The following NALF1 variants were observed in gnomAD, a reference collection of about 807,000 sequenced individuals.
NALF1 encodes NALCN channel auxiliary factor 1, also known as family with sequence similarity 155 member A.
Under a neutral mutation model 48.4 loss-of-function variants are expected in NALF1, and 3 were observed. The ratio of observed to expected loss-of-function variants is 0.06; its 90% CI spans 0.03 to 0.16. The LOEUF (loss-of-function observed/expected upper bound fraction) is 0.16, where lower values mean the gene tolerates loss of function less well. Among genes scored for constraint, NALF1 ranks in the 10% least tolerant of loss-of-function variants. NALF1 has a pLI of 1.00. For missense variants in NALF1, 526 were observed against 571.5 expected (o/e 0.92, Z 0.81); for synonymous variants, 262 against 245.7 (o/e 1.07, Z -0.62).
intron 1 of NALF1, among the ~76,000 whole-genome samples, chr13:107,430,699 T>C (rs1159497828): frequency 6.6e-6 from 1 of 152,232 alleles, no homozygotes; most frequent in East Asian, 1.9e-4. Context: ...CAGTCTATCA[T>C]TGTTGGACAT....
chr13:107,319,889 C>A (rs1201983282), intron 1 of NALF1, among the ~76,000 whole-genome samples: 1 of 152,048 alleles, frequency 6.6e-6, no homozygotes, highest in East Asian at 1.9e-4. Context: ...GTGAAAAGAG[C>A]CACCACTAAT....
intron 1 of NALF1, among the ~76,000 whole-genome samples, chr13:107,860,625 C>A (rs781751232): frequency 6.6e-6 from 1 of 152,138 alleles, no homozygotes; most frequent in Non-Finnish European, 1.5e-5. Flanking sequence ...AATATATTTG[C>A]AATGTAGATC....
At chr13:107,676,593 ATTAAT>A (rs930611263) in intron 1 of NALF1, among the ~76,000 whole-genome samples, 9 of 106,558 alleles carry the variant, frequency 8.4e-5, no homozygotes, top group East Asian at 2.4e-4. Flanking sequence ...AAATCATTAA[ATTAAT>A]TTAATTTAAT....
rs901793695 is a variant in NALF1, at chr13:107,696,491, C to T, written c.915+169191G>A. ...TGGGAGTCAGACACAGTCTTAAATA[C>T]CAACTCTACTGCCTACTAGTTAGGA... On this transcript the variant is annotated intron_variant, in intron 1 of 2. Transcript: ENST00000375915. Among the ~76,000 whole-genome samples the T allele has an allele frequency of 3.4e-4, 52 of 151,860 alleles. 1 individual carries two copies. The highest frequency in any genetic ancestry group is 1.1e-3 in the African/African-American group (47 of 41,398).
chr13:107,788,849 C>T (rs907707728), intron 1 of NALF1: 3 of 151,770 alleles, frequency 2.0e-5, no homozygotes, highest in South Asian at 2.1e-4. Context: ...TAGTGGCAAC[C>T]GGAAAGCGTT....
chr13:107,249,037 A>G (rs893776897), intron 1 of NALF1, among the ~76,000 whole-genome samples: 3 of 151,956 alleles, frequency 2.0e-5, no homozygotes, highest in African/African-American at 7.2e-5. Context: ...AACAGTAATG[A>G]CATGGGACAA....
At chr13:107,331,747 C>A (rs1043210732) in intron 1 of NALF1, among the ~76,000 whole-genome samples, 2 of 151,998 alleles carry the variant, frequency 1.3e-5, no homozygotes, top group East Asian at 3.9e-4. Flanking sequence ...ATATAATTTT[C>A]TTTCAAATAA....
At chr13:107,186,195 C>T (rs529998806) in intron 2 of NALF1, among the ~76,000 whole-genome samples, 40 of 152,110 alleles carry the variant, frequency 2.6e-4, no homozygotes, top group Non-Finnish European at 5.1e-4. Flanking sequence ...TAGCGTTTGA[C>T]GGGGTTTAGT....
chr13:107,786,162 A>C lies in NALF1; in HGVS notation c.915+79520T>G, dbSNP rs140894173. On this transcript the variant is annotated intron_variant, in intron 1 of 2. Coordinates refer to ENST00000375915, the MANE Select transcript of NALF1 (RefSeq NM_001080396.3). ...GCAGGGTGAGGTGCTCATGCCTGTA[A>C]TCCCAGCACTTTGGGAGGCTGAGGC... 9.6e-4 allele frequency among the ~76,000 whole-genome samples: 146 copies of C among 152,244 alleles called. 5 individuals carry two copies. In the East Asian group the frequency reaches 0.023, roughly 24 times the overall value.
At chr13:107,519,968 A>G (rs1876183044) in intron 1 of NALF1, among the ~76,000 whole-genome samples, 1 of 152,188 alleles carries the variant, frequency 6.6e-6, no homozygotes, top group African/African-American at 2.4e-5. Context: ...ATTAATTTTT[A>G]TGAAATATGC....
intron 1 of NALF1, among the ~76,000 whole-genome samples, chr13:107,495,187 T>C (rs947088940): frequency 2.0e-5 from 3 of 152,218 alleles, no homozygotes; most frequent in Non-Finnish European, 2.9e-5. Context: ...AACAGATGTG[T>C]TGGCCTATAT....
chr13:107,542,192 C>T (rs979199835), intron 1 of NALF1, among the ~76,000 whole-genome samples: 2 of 152,042 alleles, frequency 1.3e-5, no homozygotes, highest in Non-Finnish European at 2.9e-5. Flanking sequence ...CCTGGATGAA[C>T]TTGGGAAGCA....
chr13:107,619,273 TCCGCA>T (rs1390689495), intron 1 of NALF1, among the ~76,000 whole-genome samples: 2 of 151,808 alleles, frequency 1.3e-5, no homozygotes, highest in African/African-American at 4.8e-5. Context: ...ATTCCTCTTT[TCCGCA>T]CCCTGTTAGA....
chr13:107,306,387 AT>A (rs1881936757), intron 1 of NALF1, among the ~76,000 whole-genome samples: 1 of 152,168 alleles, frequency 6.6e-6, no homozygotes, highest in African/African-American at 2.4e-5. Context: ...TTCCACTGTA[AT>A]TTTTATGTCT....
chr13:107,563,964 G>C (rs963550747), intron 1 of NALF1, among the ~76,000 whole-genome samples: 4 of 152,180 alleles, frequency 2.6e-5, no homozygotes, highest in Admixed American at 6.5e-5. Context: ...CCTTATAAAA[G>C]TACCTTTACA....
intron 1 of NALF1, among the ~76,000 whole-genome samples, chr13:107,256,385 A>C (rs2138849652): frequency 6.6e-6 from 1 of 152,316 alleles, no homozygotes; most frequent in Admixed American, 6.5e-5. Context: ...GAAACTGGCA[A>C]AAAAATATAG....
intron 1 of NALF1, among the ~76,000 whole-genome samples, chr13:107,228,238 A>C (rs1880145643): frequency 6.6e-6 from 1 of 152,250 alleles, no homozygotes; most frequent in African/African-American, 2.4e-5. Context: ...AGTTCCTGTC[A>C]TTCTACTGAC....
rs1878646203 is a variant in NALF1 at position 107,165,864 on chromosome 13, G to A, written c.*4633C>T. On this transcript the variant is annotated 3_prime_UTR_variant, in exon 3 of 3. Transcript: ENST00000375915. ...ATTAATGGAGATATTTTGAGAGTCT[G>A]TTTCCCTTGTCAAAGTAGATATGGT... is the stretch of plus-strand genomic sequence containing the variant. 6.6e-6 allele frequency: 1 copy of A among 152,094 alleles called. No homozygotes were observed. Among genetic ancestry groups the A allele is most frequent in the South Asian group, 2.1e-4 (1 of 4,828 alleles). 9.4% of individuals were successfully genotyped at this position (152,094 alleles called of 1,614,324 possible).
chr13:107,536,654 T>C (rs1449245299), intron 1 of NALF1, among the ~76,000 whole-genome samples: 1 of 152,162 alleles, frequency 6.6e-6, no homozygotes, highest in Non-Finnish European at 1.5e-5. Context: ...GTTCAACCAT[T>C]GTGGAAGTCA....
Sources: gnomAD v4.1 joint callset for allele counts (sites outside exome capture counted in the v4.1 genomes callset) on GRCh38, gnomAD v4.1.1 for gene constraint, MANE v1.5 for transcripts, NCBI Gene and HGNC (gene_info 2026-07-23, HGNC 2026-07-21) for gene names.